Variants in DENND1A observed in about 807,000 individuals in gnomAD.
The protein encoded by DENND1A is DENN domain containing 1A.
A neutral mutation model predicts 113.7 loss-of-function variants in DENND1A; 51 were observed. The observed-to-expected ratio is 0.45, with a 90% CI of 0.36 to 0.57. The LOEUF (loss-of-function observed/expected upper bound fraction) is 0.57, where lower values mean the gene tolerates loss of function less well. Among genes scored for constraint, DENND1A ranks in the 20% least tolerant of loss-of-function variants. The pLI is 0.00. For missense variants in DENND1A, 1,258 were observed against 1,395.9 expected, an observed-to-expected ratio of 0.90 and a Z score of 1.57; for synonymous variants, 565 against 570.8, an observed-to-expected ratio of 0.99 and a Z score of 0.14.
At chr9:123,755,770 T>C (rs2070488351) in intron 5 of DENND1A, among the ~76,000 whole-genome samples, 1 of 152,192 alleles carries the variant, frequency 6.6e-6, no homozygotes, top group African/African-American at 2.4e-5. Flanking sequence ...TCTTAATAAC[T>C]TTTCCCTTCC....
At chr9:123,897,614 G>A (rs886854360) in intron 1 of DENND1A, among the ~76,000 whole-genome samples, 2 of 152,170 alleles carry the variant, frequency 1.3e-5, no homozygotes, top group Non-Finnish European at 2.9e-5. Flanking sequence ...GGCAGTTCAA[G>A]AAAATGACTT....
At chr9:123,885,043 T>TCA (rs142957264) in intron 1 of DENND1A, among the ~76,000 whole-genome samples, 12,440 of 148,488 alleles carry the variant, frequency 0.084, 1,094 homozygotes, top group African/African-American at 0.22. Context: ...ACTCTCTCTC[T>TCA]CACACACACA....
chr9:123,680,186 C>G (rs920502800), intron 5 of DENND1A, among the ~76,000 whole-genome samples: 1 of 152,226 alleles, frequency 6.6e-6, no homozygotes, highest in Non-Finnish European at 1.5e-5. Flanking sequence ...CGAAAAGGAA[C>G]AGCCTGCTCC....
At chr9:123,844,502 T>A (rs142071576) in intron 2 of DENND1A, among the ~76,000 whole-genome samples, 294 of 152,186 alleles carry the variant, frequency 1.9e-3, no homozygotes, top group African/African-American at 6.7e-3. Flanking sequence ...TAGGAATAAA[T>A]TTAACAAGGG....
intron 1 of DENND1A, among the ~76,000 whole-genome samples, chr9:123,897,747 C>A (rs529775852): frequency 1.3e-5 from 2 of 152,028 alleles, no homozygotes; most frequent in Admixed American, 6.6e-5. Context: ...GAGAGAGGAT[C>A]GCTTGAGGCC....
At chr9:123,433,727 T>C (rs2046310673) in intron 19 of DENND1A, among the ~76,000 whole-genome samples, 1 of 152,196 alleles carries the variant, frequency 6.6e-6, no homozygotes, top group South Asian at 2.1e-4. Context: ...TGGTCATGTA[T>C]CCTAGTCTCT....
intron 13 of DENND1A, among the ~76,000 whole-genome samples, chr9:123,534,758 G>A (rs1379524300): frequency 1.3e-5 from 2 of 152,192 alleles, no homozygotes; most frequent in Non-Finnish European, 2.9e-5. Flanking sequence ...AACCATTCAT[G>A]TTAACTCTCC....
chr9:123,487,991 C>T (rs905903814), intron 13 of DENND1A, among the ~76,000 whole-genome samples: 4 of 152,202 alleles, frequency 2.6e-5, no homozygotes, highest in South Asian at 2.1e-4. Context: ...GCCTCCTTCC[C>T]GGAACCAGCG....
intron 6 of DENND1A, among the ~76,000 whole-genome samples, chr9:123,673,542 T>C (rs2063869393): frequency 6.6e-6 from 1 of 152,234 alleles, no homozygotes; most frequent in South Asian, 2.1e-4. Context: ...TCAATGAGAC[T>C]GGGTTCCTTT....
At chr9:123,581,806 C>T (rs191848108) in intron 12 of DENND1A, among the ~76,000 whole-genome samples, 1 of 152,266 alleles carries the variant, frequency 6.6e-6, no homozygotes, top group Non-Finnish European at 1.5e-5. Context: ...GAACAACAAC[C>T]CGTTTCACTC....
At chr9:123,784,526 C>A (rs2131897655) in intron 3 of DENND1A, among the ~76,000 whole-genome samples, 1 of 152,296 alleles carries the variant, frequency 6.6e-6, no homozygotes, top group South Asian at 2.1e-4. Flanking sequence ...TAAGAGAAAA[C>A]AGAGACTGCC....
rs759901612 is a variant in DENND1A, at chr9:123,855,929, C to T, written c.88+23022G>A. Among the ~76,000 whole-genome samples, 6 of 152,052 alleles carry T rather than the reference C, an allele frequency of 3.9e-5. No homozygotes were observed. In the East Asian group the frequency reaches 7.8e-4, roughly 20 times the overall value. On this transcript the variant is annotated intron_variant, in intron 2 of 23. Coordinates refer to ENST00000394215, the MANE Select transcript of DENND1A (RefSeq NM_001352964.2). ...GCACATGCCTGTAATCCCAGCTACTCGGGAGGCTGAGGCAGGAAAATCGCT... is the reference window on the plus strand; with the variant it reads ...GCACATGCCTGTAATCCCAGCTACTTGGGAGGCTGAGGCAGGAAAATCGCT...
At chr9:123,491,664 T>C (rs1008638056) in intron 13 of DENND1A, among the ~76,000 whole-genome samples, 5 of 152,192 alleles carry the variant, frequency 3.3e-5, no homozygotes, top group African/African-American at 1.2e-4. Context: ...AAAAAGAACA[T>C]TTCCAGTTGT....
chr9:123,879,073 T>C (rs770726736), intron 1 of DENND1A, 52 bp from the exon 2 acceptor site: 3 of 1,566,572 alleles, frequency 1.9e-6, no homozygotes, highest in South Asian at 1.1e-5. Flanking sequence ...CAGCATGGTA[T>C]AGAACATGTG....
intron 13 of DENND1A, among the ~76,000 whole-genome samples, chr9:123,472,392 T>C (rs575078037): frequency 8.4e-4 from 128 of 152,274 alleles, no homozygotes; most frequent in African/African-American, 2.7e-3. Flanking sequence ...TCACTGGGGC[T>C]GGCGGGCACG....
At chr9:123,687,456 G>C (rs1263859683) in intron 5 of DENND1A, among the ~76,000 whole-genome samples, 2 of 152,136 alleles carry the variant, frequency 1.3e-5, no homozygotes, top group Non-Finnish European at 2.9e-5. Flanking sequence ...TAAAGGAAGG[G>C]AAGCATTCTG....
At chr9:123,678,885 G>A (rs1262331931) in intron 5 of DENND1A, among the ~76,000 whole-genome samples, 1 of 152,158 alleles carries the variant, frequency 6.6e-6, no homozygotes, top group East Asian at 1.9e-4. Context: ...AGGGATTAGG[G>A]AGCAGATAAG....
intron 8 of DENND1A, among the ~76,000 whole-genome samples, chr9:123,665,606 C>T (rs1250094965): frequency 1.3e-5 from 2 of 152,168 alleles, no homozygotes; most frequent in African/African-American, 4.8e-5. Context: ...ATAGACGACA[C>T]TTGGAAAAAT....
At chr9:123,629,207 C>T (rs2061371671) in intron 10 of DENND1A, among the ~76,000 whole-genome samples, 1 of 152,180 alleles carries the variant, frequency 6.6e-6, no homozygotes, top group African/African-American at 2.4e-5. Flanking sequence ...GTCAGTGTCC[C>T]GTGTCATCTG....
Sources: allele counts gnomAD v4.1 joint callset (sites outside exome capture counted in the v4.1 genomes callset), GRCh38; gene constraint gnomAD v4.1.1; transcripts MANE v1.5; gene names NCBI Gene and HGNC (gene_info 2026-07-23, HGNC 2026-07-21).